MYH15: variants seen among roughly 807,000 people sequenced by gnomAD.
MYH15 encodes the protein myosin-15.
In MYH15, 227 loss-of-function variants were observed where a neutral mutation model predicts 240.5. The ratio of observed to expected loss-of-function variants is 0.94; its 90% CI spans 0.85 to 1.05. The LOEUF is 1.05. Among genes scored for constraint, MYH15 ranks in the 50% least tolerant of loss-of-function variants. The pLI is 0.00. For synonymous variants in MYH15, 785 were observed against 796.7 expected, an observed-to-expected ratio of 0.99 and a Z score of 0.25; for missense variants, 2,217 against 2,247.5, an observed-to-expected ratio of 0.99 and a Z score of 0.27.
In MYH15 at chr3:108,444,869, T is replaced by C. The variant is rs1044785108; in HGVS notation, c.2426A>G (p.Asn809Ser). The part of the protein sequence containing the change: ...ERDALILIQW[N>S]IRAFMAVKNW... ...CTTCACAGCCATGAAAGCTCTTATG[T>C]TCCATTGGATCAAAATAAGTGCATC... The change falls in exon 22 of 41, where the codon AAC (asparagine) becomes AGC (serine). Residue 809 changes from asparagine (N) to serine (S), a missense_variant. Coordinates refer to ENST00000693548, the MANE Select transcript of MYH15 (RefSeq NM_014981.3). 8 of 1,613,060 alleles carry C rather than the reference T, an allele frequency of 5.0e-6. No homozygotes were observed. In the African/African-American group the frequency reaches 1.1e-4, roughly 22 times the overall value.
chr3:108,521,280 A>G (rs1254775195), intron 1 of MYH15, among the ~76,000 whole-genome samples: 2 of 151,946 alleles, frequency 1.3e-5, no homozygotes, highest in African/African-American at 2.4e-5. Context: ...TAGCCAGTCG[A>G]CCCTTGACTT....
intron 21 of MYH15, among the ~76,000 whole-genome samples, chr3:108,453,588 C>A (rs2082993662): frequency 6.6e-6 from 1 of 152,238 alleles, no homozygotes; most frequent in African/African-American, 2.4e-5. Flanking sequence ...TCAACAAGAG[C>A]CACAGTTTCT....
At chr3:108,429,155 G>A (rs557681793) in intron 26 of MYH15, among the ~76,000 whole-genome samples, 1 of 152,132 alleles carries the variant, frequency 6.6e-6, no homozygotes, top group Non-Finnish European at 1.5e-5. Flanking sequence ...ACTTCCCAAA[G>A]AAACAGGAAA....
chr3:108,442,796 T>C (rs1324322145), intron 22 of MYH15, among the ~76,000 whole-genome samples: 3 of 151,324 alleles, frequency 2.0e-5, no homozygotes, highest in Admixed American at 2.0e-4. Flanking sequence ...TGGATTCTTT[T>C]GTGTTTAGCT....
intron 2 of MYH15, 93 bp downstream of exon 2, chr3:108,505,630 C>A: frequency 1.5e-6 from 1 of 650,700 alleles, no homozygotes. Flanking sequence ...ATCTCCTACC[C>A]CAGATCTTTA....
chr3:108,464,293 A>T (rs1409720897), intron 15 of MYH15, among the ~76,000 whole-genome samples: 2 of 152,174 alleles, frequency 1.3e-5, no homozygotes, highest in Non-Finnish European at 2.9e-5. Context: ...CTTCAACAAA[A>T]AGATCAACTG....
chr3:108,493,022 A>AAAGGAAGGAAGGAAGGAAGGAAGG lies in MYH15; in HGVS notation c.775+68_775+91dup, dbSNP rs61139688. On this transcript the variant is annotated intron_variant, in intron 8 of 40. Coordinates refer to ENST00000693548, the MANE Select transcript of MYH15 (RefSeq NM_014981.3). Reference sequence around the variant, plus strand: ...GAGAAAAGGAAAGAAAGAAAGAAGAAAAGGAAGGAAGGAAGGAAGGAAGGA... The same window carrying AAAGGAAGGAAGGAAGGAAGGAAGG: ...GAGAAAAGGAAAGAAAGAAAGAAGAAAAGGAAGGAAGGAAGGAAGGAAGGAAGGAAGGAAGGAAGGAAGGAAGGA... The AAAGGAAGGAAGGAAGGAAGGAAGG allele has an allele frequency of 2.2e-5, 15 of 682,976 alleles. 1 individual carries two copies. Among genetic ancestry groups the AAAGGAAGGAAGGAAGGAAGGAAGG allele is most frequent in the South Asian group, 2.1e-4 (11 of 52,588 alleles). The allele number at this position is 682,976 out of a possible 1,614,324, so 42.3% of individuals were successfully genotyped here.
chr3:108,542,933 T>G, the MYH15 span, among the ~76,000 whole-genome samples: 2 of 146,320 alleles, frequency 1.4e-5, no homozygotes, highest in African/African-American at 2.6e-5. Context: ...CAGGCTGGAG[T>G]GCAGTGGCAC....
intron 38 of MYH15, among the ~76,000 whole-genome samples, chr3:108,385,332 A>G (rs936502017): frequency 6.6e-6 from 1 of 152,244 alleles, no homozygotes; most frequent in Non-Finnish European, 1.5e-5. Context: ...GTTTTGAGTA[A>G]TAGAACTATA....
chr3:108,500,236 G>T lies in MYH15; in HGVS notation c.378C>A (p.Tyr126Ter), dbSNP rs2083425746. 6.2e-7 allele frequency: 1 copy of T among 1,614,060 alleles called. No homozygotes were observed. The highest frequency in any genetic ancestry group is 8.5e-7 in the Non-Finnish European group (1 of 1,179,932). ...SGLFCVTINP[Y>*]KWLPVYQKEV... ...CTTTCTGATACACGGGAAGCCATTT[G>T]TAAGGGTTTATGGTCACACAGAAGA... is the stretch of plus-strand genomic sequence containing the variant. Residue 126 changes from tyrosine (Y) to a stop codon, truncating the protein, a stop_gained, in exon 4 of 41, where the codon TAC (tyrosine) becomes TAA (stop). Transcript: ENST00000693548. LOFTEE classifies it high-confidence loss of function.
upstream of MYH15, chr3:108,529,424 T>C: frequency 1.7e-6 from 1 of 592,714 alleles, no homozygotes; most frequent in East Asian, 3.1e-5. Context: ...ATACAAGATA[T>C]ATTTAGTCAT....
At chr3:108,538,691 TA>T in the MYH15 span, among the ~76,000 whole-genome samples, 2 of 152,242 alleles carry the variant, frequency 1.3e-5, no homozygotes, top group African/African-American at 2.4e-5. Context: ...GATGTGTATA[TA>T]AAAGTTCCCT....
At chr3:108,442,664 A>T (rs924223223) in intron 22 of MYH15, among the ~76,000 whole-genome samples, 1 of 152,104 alleles carries the variant, frequency 6.6e-6, no homozygotes, top group Non-Finnish European at 1.5e-5. Flanking sequence ...CAGTAGGAAG[A>T]TTCTTTCCCC....
At chr3:108,434,571 A>AATAAC (rs1553766791) in intron 25 of MYH15, among the ~76,000 whole-genome samples, 1 of 152,030 alleles carries the variant, frequency 6.6e-6, no homozygotes, top group African/African-American at 2.4e-5. Context: ...ATATTAATTC[A>AATAAC]ATATTTTTCT....
chr3:108,418,949 T>G (rs2082659330), intron 28 of MYH15, among the ~76,000 whole-genome samples: 2 of 152,154 alleles, frequency 1.3e-5, no homozygotes, highest in Non-Finnish European at 2.9e-5. Flanking sequence ...GACAGAGTTT[T>G]GCCATGTTGG....
intron 27 of MYH15, among the ~76,000 whole-genome samples, chr3:108,423,123 G>A (rs2082696616): frequency 6.6e-6 from 1 of 152,158 alleles, no homozygotes; most frequent in Non-Finnish European, 1.5e-5. Flanking sequence ...CCCTGCTTGA[G>A]CGCTTGCCGC....
chr3:108,514,126 AT>A (rs1174525096), upstream of MYH15, among the ~76,000 whole-genome samples: 1 of 152,200 alleles, frequency 6.6e-6, no homozygotes, highest in Non-Finnish European at 1.5e-5. Flanking sequence ...GCTGCCTTTC[AT>A]AAAAAATATG....
intron 9 of MYH15, among the ~76,000 whole-genome samples, chr3:108,492,224 A>ACACT (rs1553772177): frequency 7.2e-6 from 1 of 139,564 alleles, no homozygotes; most frequent in African/African-American, 2.6e-5. Context: ...ACACACACAC[A>ACACT]CACTCACTCA....
intron 11 of MYH15, among the ~76,000 whole-genome samples, chr3:108,484,835 G>C (rs1189232395): frequency 6.6e-6 from 1 of 152,156 alleles, no homozygotes; most frequent in South Asian, 2.1e-4. Context: ...AAGGCATACT[G>C]TGTCTTAATT....
Sources: gnomAD v4.1 joint callset for allele counts (sites outside exome capture counted in the v4.1 genomes callset) on GRCh38, gnomAD v4.1.1 for gene constraint, MANE v1.5 for transcripts, NCBI Gene and HGNC (gene_info 2026-07-23, HGNC 2026-07-21) for gene names.